The following ZNF445 variants were observed in gnomAD, a reference collection of about 807,000 sequenced individuals.
ZNF445 encodes zinc finger protein 168.
Under a neutral mutation model 93.9 loss-of-function variants are expected in ZNF445, and 19 were observed. That is an observed-to-expected ratio of 0.20 (90% CI 0.14 to 0.30). The LOEUF is 0.30. Ranked by LOEUF, ZNF445 falls within the 10% of genes least tolerant of loss-of-function variation. The probability of loss-of-function intolerance (pLI) is 1.00; values close to 1 mark genes in which losing one functional copy is unlikely to be tolerated. For synonymous variants in ZNF445, 449 were observed against 446.3 expected (o/e 1.01, Z -0.08); for missense variants, 1,058 against 1,259.4 (o/e 0.84, Z 2.42).
At chr3:44,470,561 ATAGT>A (rs1698254981) in intron 1 of ZNF445, among the ~76,000 whole-genome samples, 1 of 152,210 alleles carries the variant, frequency 6.6e-6, no homozygotes, top group African/African-American at 2.4e-5. Flanking sequence ...ATTAGAAAGC[ATAGT>A]TATACTGTCA....
intron 1 of ZNF445, among the ~76,000 whole-genome samples, chr3:44,473,490 C>CACACACACACACAAAAAA (rs774842477): frequency 1.8e-5 from 1 of 56,930 alleles, no homozygotes; most frequent in African/African-American, 4.4e-5. Context: ...CACACACACA[C>CACACACACACACAAAAAA]AAAAAATGCT....
In ZNF445 at chr3:44,448,354, G is replaced by A. The variant is rs533412953; in HGVS notation, c.1317C>T (p.His439=). 3.7e-6 allele frequency: 6 copies of A among 1,614,210 alleles called. No individual in the cohort carries two copies. In the African/African-American group the frequency reaches 8.0e-5, roughly 22 times the overall value. The change falls in exon 8 of 8, where the codon CAC becomes CAT. Residue 439 remains histidine (H), a synonymous_variant. Transcript: ENST00000396077. ...GATGTAGGCTGAAGCCCCCAATCAT[G>A]TGTCTGAGCCCCTTCCCATATTTCT... ...DYKKYGKGLR[H]MIGGFSLHQR...
rs868607954 is a variant in ZNF445, at chr3:44,448,346, C to T, written c.1325G>A (p.Gly442Glu). Reference protein sequence around the residue: ...KYGKGLRHMIGGFSLHQRIHS... With the variant: ...KYGKGLRHMIEGFSLHQRIHS... The stretch of plus-strand genomic sequence containing the variant: ...AATTCTCTGATGTAGGCTGAAGCCC[C>T]CAATCATGTGTCTGAGCCCCTTCCC... Residue 442 changes from glycine to glutamate, a missense_variant, in exon 8 of 8, where the codon GGG becomes GAG. By Grantham distance (98) the Gly-to-Glu change is moderately conservative. This residue lies in a region of ZNF445 where 657 missense variants were observed against 746.4 expected (regional missense o/e 0.88). Coordinates refer to ENST00000396077, the MANE Select transcript of ZNF445 (RefSeq NM_181489.6). 1 of 1,614,216 alleles carries T rather than the reference C, an allele frequency of 6.2e-7. No individual in the cohort carries two copies. The highest frequency in any genetic ancestry group is 8.5e-7 in the Non-Finnish European group (1 of 1,180,040).
intron 1 of ZNF445, among the ~76,000 whole-genome samples, chr3:44,475,220 C>T (rs557293326): frequency 2.0e-5 from 3 of 151,996 alleles, no homozygotes; most frequent in Non-Finnish European, 2.9e-5. Context: ...TTTTTTGAGA[C>T]GGAGTTTCAC....
Position 44,448,579 on chromosome 3 carries a change from T to C in ZNF445, c.1092A>G (p.Gln364=), listed in dbSNP as rs375482953. The stretch of plus-strand genomic sequence containing the variant: ...CTCTTACTTGTATGGGATTTTCACA[T>C]TGATCCTTCTGCCTGCTCTTCTGTT... The part of the protein sequence containing the change: ...SFQQKSRQKD[Q]CENPIQVRVK... The change falls in exon 8 of 8, where the codon CAA becomes CAG. Residue 364 remains glutamine (Q), a synonymous_variant. Coordinates refer to ENST00000396077, the MANE Select transcript of ZNF445 (RefSeq NM_181489.6). The C allele has an allele frequency of 3.1e-6, 5 of 1,614,040 alleles. No individual in the cohort carries two copies. Among genetic ancestry groups the C allele is most frequent in the South Asian group, 1.1e-5 (1 of 91,092 alleles).
At position 44,446,354 on chromosome 3, in the gene ZNF445, C is replaced by A. The variant is rs2125677965; in HGVS notation, c.*221G>T. The A allele has an allele frequency of 1.6e-6, 1 of 621,754 alleles. No homozygotes were observed. Among genetic ancestry groups the A allele is most frequent in the East Asian group, 3.0e-5 (1 of 33,178 alleles). The allele number at this position is 621,754 out of a possible 1,614,324, so 38.5% of individuals were successfully genotyped here. On this transcript the variant is annotated 3_prime_UTR_variant, in exon 8 of 8. Transcript: ENST00000396077. This position sits in a 1 kb window ranked among gnomAD's most constrained non-coding sequence, Gnocchi z 4.2. ...GGCCACTCCTAGGGGCCGGAGTCTC[C>A]AGAAGGGCTCCAAAGGACATGGTGC... is the stretch of plus-strand genomic sequence containing the variant.
rs1189455325 is a variant in ZNF445, at chr3:44,440,841, G to A, written c.*5734C>T. On this transcript the variant is annotated 3_prime_UTR_variant, in exon 8 of 8. Coordinates refer to ENST00000396077, the MANE Select transcript of ZNF445 (RefSeq NM_181489.6). ...TTCATAAGTTTCCCGGGAAAGGTGT[G>A]AGCAATTACCAGAACTGAGGGTTCC... is the stretch of plus-strand genomic sequence containing the variant. 2 of 151,898 alleles carry A rather than the reference G, an allele frequency of 1.3e-5. No homozygotes were observed. Among genetic ancestry groups the A allele is most frequent in the Non-Finnish European group, 2.9e-5 (2 of 68,000 alleles). 9.4% of individuals were successfully genotyped at this position (151,898 alleles called of 1,614,324 possible). A position where few individuals can be genotyped will look rare whatever the true frequency, so the allele number is the denominator to read the frequency against.
rs541849905 is a variant in ZNF445 at position 44,465,496 on chromosome 3, G to C, written c.-268-7132C>G. ...TCTGGGCCCAAGTGTCCGAATAACA[G>C]GGTTTTCTTAGAAAACTGATCTGCT... On this transcript the variant is annotated intron_variant, in intron 1 of 7. Transcript: ENST00000396077. Among the ~76,000 whole-genome samples the C allele has an allele frequency of 1.2e-4, 18 of 152,302 alleles. No homozygotes were observed. The South Asian group carries it at 3.5e-3, about 30-fold the overall frequency.
Position 44,455,491 on chromosome 3 carries a change from C to T in ZNF445, c.59G>A (p.Arg20Gln), listed in dbSNP as rs763981253. 27 of 1,613,134 alleles carry T rather than the reference C, an allele frequency of 1.7e-5. No homozygotes were observed. In the Admixed American group the frequency reaches 2.5e-4, roughly 15 times the overall value. The change falls in exon 3 of 8, where the codon CGA becomes CAA. Residue 20 changes from arginine to glutamine, a missense_variant. Arg to Gln is a conservative substitution (Grantham distance 43). Coordinates refer to ENST00000396077, the MANE Select transcript of ZNF445 (RefSeq NM_181489.6). ...CTTCTTTACTGTCTGAAGCCGCCCT[C>T]GCTCCCTCGAAGACTGGGCCTGAGC... ...YPAQAQSSRERGRLQTVKKEE... is the reference protein window; with the variant it reads ...YPAQAQSSREQGRLQTVKKEE...
At position 44,469,645 on chromosome 3, in the gene ZNF445, T is replaced by C. The variant is rs542624078; in HGVS notation, c.-269+7946A>G. On this transcript the variant is annotated intron_variant, in intron 1 of 7. Coordinates refer to ENST00000396077, the MANE Select transcript of ZNF445 (RefSeq NM_181489.6). ...TTAGCCAGGCGTGGAGACGTACAGC[T>C]GTAATCCCAGCTACTCAGGAGGCTG... is the stretch of plus-strand genomic sequence containing the variant. 7.9e-5 allele frequency among the ~76,000 whole-genome samples: 12 copies of C among 152,106 alleles called. No individual in the cohort carries two copies. In the East Asian group the frequency reaches 1.2e-3, roughly 15 times the overall value.
Position 44,444,618 on chromosome 3 carries a change from G to A in ZNF445, c.*1957C>T, listed in dbSNP as rs1697855731. The stretch of plus-strand genomic sequence containing the variant: ...AACAGCTGCTGCCGTAGGAAGGCAA[G>A]AGGATGGCAGAACCAAGATGACCAA... On this transcript the variant is annotated 3_prime_UTR_variant, in exon 8 of 8. Transcript: ENST00000396077. 6.6e-6 allele frequency: 1 copy of A among 152,246 alleles called. No individual in the cohort carries two copies. The highest frequency in any genetic ancestry group is 1.5e-5 in the Non-Finnish European group (1 of 68,078). The allele number at this position is 152,246 out of a possible 1,614,324, so 9.4% of individuals were successfully genotyped here. A position where few individuals can be genotyped will look rare whatever the true frequency, so the allele number is the denominator to read the frequency against.
rs773942163 is a variant in ZNF445 at position 44,455,572 on chromosome 3, A to G, written c.-23T>C. ...CATCACTCCTGTTCAGGGACTAACC[A>G]GAAGAGTGCGAACCAAGTCCACCTT... On this transcript the variant is annotated 5_prime_UTR_variant, in exon 3 of 8. Transcript: ENST00000396077. The G allele has an allele frequency of 6.5e-7, 1 of 1,545,596 alleles. No homozygotes were observed. Among genetic ancestry groups the G allele is most frequent in the Non-Finnish European group, 8.7e-7 (1 of 1,148,012 alleles).
intron 1 of ZNF445, among the ~76,000 whole-genome samples, chr3:44,471,794 A>T (rs1462139830): frequency 6.6e-6 from 1 of 152,098 alleles, no homozygotes; most frequent in African/African-American, 2.4e-5. Context: ...AAGCTGCTAC[A>T]GTTCTGGCAG....
rs1697877022 is a variant in ZNF445, at chr3:44,446,345, C to T, written c.*230G>A. 1.0e-5 allele frequency: 6 copies of T among 576,656 alleles called. No homozygotes were observed. Among genetic ancestry groups the T allele is most frequent in the Non-Finnish European group, 1.8e-5 (6 of 333,980 alleles). 35.7% of individuals were successfully genotyped at this position (576,656 alleles called of 1,614,324 possible). On this transcript the variant is annotated 3_prime_UTR_variant, in exon 8 of 8. Coordinates refer to ENST00000396077, the MANE Select transcript of ZNF445 (RefSeq NM_181489.6). The surrounding 1 kb of genome is among the most constrained non-coding windows in gnomAD (Gnocchi z 4.2). ...TGGTGCAGAGGCCACTCCTAGGGGC[C>T]GGAGTCTCCAGAAGGGCTCCAAAGG...
At chr3:44,470,229 G>A (rs538545978) in intron 1 of ZNF445, among the ~76,000 whole-genome samples, 1 of 152,266 alleles carries the variant, frequency 6.6e-6, no homozygotes. Flanking sequence ...GGCGTCCAAG[G>A]ACACTCCTAC....
At chr3:44,450,842 G>C in intron 5 of ZNF445, 26 bp downstream of exon 5, 4 of 1,524,592 alleles carry the variant, frequency 2.6e-6, no homozygotes, top group Non-Finnish European at 2.6e-6. Context: ...GGGACATCAG[G>C]AAGGACCAAA....
intron 3 of ZNF445, among the ~76,000 whole-genome samples, chr3:44,453,836 C>T (rs1371749918): frequency 6.6e-6 from 1 of 152,134 alleles, no homozygotes; most frequent in Non-Finnish European, 1.5e-5. Context: ...TAAACCATTT[C>T]TGCATTTTCT....
chr3:44,475,357 C>T (rs1253310704), intron 1 of ZNF445, among the ~76,000 whole-genome samples: 1 of 151,836 alleles, frequency 6.6e-6, no homozygotes, highest in Non-Finnish European at 1.5e-5. Flanking sequence ...CGCCACCATG[C>T]CCAGCTAATT....
intron 1 of ZNF445, among the ~76,000 whole-genome samples, chr3:44,469,835 A>G (rs1234201799): frequency 6.6e-6 from 1 of 152,224 alleles, no homozygotes; most frequent in Non-Finnish European, 1.5e-5. Flanking sequence ...AGTGCAGAAA[A>G]ACAAGATAGT....
Sources: allele counts gnomAD v4.1 joint callset (sites outside exome capture counted in the v4.1 genomes callset), GRCh38; gene constraint gnomAD v4.1.1; regional missense constraint gnomAD v4.1.1; non-coding constraint Gnocchi (gnomAD v3.1); transcripts MANE v1.5; gene names NCBI Gene and HGNC (gene_info 2026-07-23, HGNC 2026-07-21).